Variants in SORCS3 observed in about 807,000 individuals in gnomAD.
SORCS3 encodes VPS10 domain-containing receptor SorCS3.
Under a neutral mutation model 146.3 loss-of-function variants are expected in SORCS3, and 57 were observed. The observed-to-expected ratio is 0.39, with a 90% confidence interval of 0.31 to 0.49. The LOEUF (loss-of-function observed/expected upper bound fraction) is 0.49. Among genes scored for constraint, SORCS3 ranks in the 20% least tolerant of loss-of-function variants. SORCS3 has a pLI of 0.92. For synonymous variants in SORCS3, 653 were observed against 618.5 expected (o/e 1.06, Z -0.83); for missense variants, 1,341 against 1,575.5 (o/e 0.85, Z 2.52).
chr10:104,751,284 T>A (rs2016980289), intron 1 of SORCS3, among the ~76,000 whole-genome samples: 1 of 152,190 alleles, frequency 6.6e-6, no homozygotes, highest in Non-Finnish European at 1.5e-5. Context: ...GACTCTCTCT[T>A]ATGGGAGATT....
intron 3 of SORCS3, among the ~76,000 whole-genome samples, chr10:104,916,573 G>T (rs2019030510): frequency 6.6e-6 from 1 of 152,204 alleles, no homozygotes; most frequent in Non-Finnish European, 1.5e-5. Context: ...AATCTACTGA[G>T]AGGAGGAGGC....
At chr10:105,027,926 AC>A (rs1787557974) in intron 4 of SORCS3, among the ~76,000 whole-genome samples, 1 of 152,160 alleles carries the variant, frequency 6.6e-6, no homozygotes, top group South Asian at 2.1e-4. Flanking sequence ...TGTATTTAAA[AC>A]GTTATCTTTA....
intron 1 of SORCS3, among the ~76,000 whole-genome samples, chr10:104,753,635 A>G (rs1369695063): frequency 1.3e-5 from 2 of 152,140 alleles, no homozygotes; most frequent in South Asian, 4.1e-4. Context: ...GACTTTGTTG[A>G]TGGTTTTTCC....
chr10:104,667,947 C>G (rs894580645), intron 1 of SORCS3, among the ~76,000 whole-genome samples: 1 of 152,144 alleles, frequency 6.6e-6, no homozygotes, highest in African/African-American at 2.4e-5. Context: ...CTCATACTTT[C>G]CATTTGTGTC....
At chr10:104,669,189 T>A (rs2015820907) in intron 1 of SORCS3, among the ~76,000 whole-genome samples, 1 of 152,248 alleles carries the variant, frequency 6.6e-6, no homozygotes, top group African/African-American at 2.4e-5. Flanking sequence ...ATAATATACA[T>A]GTACTAGAGT....
At chr10:105,102,634 A>G (rs922246307) in intron 6 of SORCS3, among the ~76,000 whole-genome samples, 2 of 152,072 alleles carry the variant, frequency 1.3e-5, no homozygotes, top group African/African-American at 2.4e-5. Context: ...ACAACATGCA[A>G]TTTGCCTATG....
chr10:105,048,225 A>T (rs556902602), intron 5 of SORCS3, among the ~76,000 whole-genome samples: 2 of 151,520 alleles, frequency 1.3e-5, no homozygotes, highest in South Asian at 4.2e-4. Flanking sequence ...CTATAAAGAC[A>T]CATGCACATG....
intron 17 of SORCS3, 34 bp from the exon 18 acceptor site, chr10:105,214,408 A>T: frequency 1.2e-6 from 2 of 1,612,324 alleles, no homozygotes; most frequent in Non-Finnish European, 1.7e-6. Context: ...AACACAATCA[A>T]CACAAACCAC....
intron 1 of SORCS3, among the ~76,000 whole-genome samples, chr10:104,812,364 G>T (rs1184815002): frequency 6.6e-6 from 1 of 152,162 alleles, no homozygotes; most frequent in African/African-American, 2.4e-5. Flanking sequence ...TTATTTCCAA[G>T]ATTTTGTTTC....
intron 1 of SORCS3, among the ~76,000 whole-genome samples, chr10:104,740,105 G>T (rs1248757270): frequency 1.3e-5 from 2 of 152,150 alleles, no homozygotes; most frequent in Non-Finnish European, 2.9e-5. Context: ...ATGCAAAAAG[G>T]TATGCATTTA....
At chr10:105,133,658 C>G (rs527501021) in intron 7 of SORCS3, among the ~76,000 whole-genome samples, 1 of 152,208 alleles carries the variant, frequency 6.6e-6, no homozygotes, top group East Asian at 1.9e-4. Flanking sequence ...AATATAGCAC[C>G]AGACTAGATG....
At chr10:104,660,558 C>T (rs1418498376) in intron 1 of SORCS3, among the ~76,000 whole-genome samples, 1 of 152,202 alleles carries the variant, frequency 6.6e-6, no homozygotes. Context: ...CTCTACCCAG[C>T]ACCCTCCACT....
intron 2 of SORCS3, among the ~76,000 whole-genome samples, chr10:104,843,511 G>A (rs183515039): frequency 6.6e-6 from 1 of 152,216 alleles, no homozygotes; most frequent in African/African-American, 2.4e-5. Context: ...AACACTTTTG[G>A]GGCCTCTAAG....
intron 2 of SORCS3, among the ~76,000 whole-genome samples, chr10:104,856,684 G>T (rs2018337940): frequency 6.9e-6 from 1 of 144,642 alleles, no homozygotes; most frequent in Admixed American, 7.0e-5. Flanking sequence ...ATATAACAGT[G>T]GTCTCTCCCT....
chr10:104,964,452 CAT>C (rs1173439266), intron 3 of SORCS3, among the ~76,000 whole-genome samples: 1 of 152,162 alleles, frequency 6.6e-6, no homozygotes, highest in African/African-American at 2.4e-5. Flanking sequence ...TGATATGCCA[CAT>C]GTTTTACTTA....
chr10:104,811,785 C>T (rs1005415300), intron 1 of SORCS3, among the ~76,000 whole-genome samples: 2 of 152,102 alleles, frequency 1.3e-5, no homozygotes, highest in African/African-American at 4.8e-5. Flanking sequence ...CTTACATTCT[C>T]GGCTGAAGGC....
intron 2 of SORCS3, among the ~76,000 whole-genome samples, chr10:104,843,519 A>G (rs2018168089): frequency 1.3e-5 from 2 of 152,206 alleles, no homozygotes; most frequent in African/African-American, 4.8e-5. Context: ...TGGGGCCTCT[A>G]AGACTATTGT....
Position 104,912,349 on chromosome 10 carries a change from T to G in SORCS3, c.696-3484T>G, listed in dbSNP as rs183425580. ...CTGTAAAATATTTTACTTGGATTAA[T>G]AAAAATGCAAATGACAGCCTCTAGA... On this transcript the variant is annotated intron_variant, in intron 2 of 26. Transcript: ENST00000369701. Among the ~76,000 whole-genome samples the G allele has an allele frequency of 1.4e-4, 22 of 152,354 alleles. No homozygotes were observed. In the East Asian group the frequency reaches 4.1e-3, roughly 28 times the overall value.
Position 104,641,609 on chromosome 10 carries a change from C to T in SORCS3, c.282C>T (p.Gly94=). Residue 94 remains glycine (G), a synonymous_variant, in exon 1 of 27, where the codon GGC becomes GGT. Transcript: ENST00000369701. The surrounding 1 kb of genome is among the most constrained non-coding windows in gnomAD (Gnocchi z 6.4). ...GACCAGAGCTGCTGCCCCAGCAGGG[C>T]GGCGGCAGAGGCGGTGAGATGCAGG... ...RAGPELLPQQ[G]GGRGGEMQVE... 1 of 1,517,956 alleles carries T rather than the reference C, an allele frequency of 6.6e-7. No homozygotes were observed. The highest frequency in any genetic ancestry group is 8.8e-7 in the Non-Finnish European group (1 of 1,139,888). The allele number at this position is 1,517,956 out of a possible 1,614,324, so 94.0% of individuals were successfully genotyped here. A position where few individuals can be genotyped will look rare whatever the true frequency, so the allele number is the denominator to read the frequency against.
Sources: allele counts gnomAD v4.1 joint callset (sites outside exome capture counted in the v4.1 genomes callset), GRCh38; gene constraint gnomAD v4.1.1; non-coding constraint Gnocchi (gnomAD v3.1); transcripts MANE v1.5; gene names NCBI Gene and HGNC (gene_info 2026-07-23, HGNC 2026-07-21).